The following TCERG1 variants were observed in gnomAD, a reference collection of about 807,000 sequenced individuals.
TCERG1 encodes transcription elongation regulator 1.
A neutral mutation model predicts 144.7 loss-of-function variants in TCERG1; 37 were observed. The observed-to-expected ratio is 0.26, with a 90% confidence interval of 0.20 to 0.34. The LOEUF (loss-of-function observed/expected upper bound fraction) is 0.34, where lower values mean the gene tolerates loss of function less well. TCERG1 is among the 10% of genes least tolerant of loss of function. The pLI is 1.00. For synonymous variants in TCERG1, 492 were observed against 458.2 expected (o/e 1.07, Z -0.94); for missense variants, 1,027 against 1,380.7 (o/e 0.74, Z 4.06).
intron 15 of TCERG1, among the ~76,000 whole-genome samples, chr5:146,492,653 T>C (rs1465801839): frequency 6.6e-6 from 1 of 152,204 alleles, no homozygotes; most frequent in Non-Finnish European, 1.5e-5. Flanking sequence ...ATGTTTATAA[T>C]AATCATGTAT....
chr5:146,508,952 G>A (rs558619690), intron 21 of TCERG1, among the ~76,000 whole-genome samples, 193 bp from the exon 22 acceptor site: 5 of 152,166 alleles, frequency 3.3e-5, no homozygotes, highest in East Asian at 1.9e-4. Flanking sequence ...TCTATTTGCC[G>A]CAAAAATGAG....
At chr5:146,493,214 G>A (rs1766589230) in intron 16 of TCERG1, among the ~76,000 whole-genome samples, 176 bp downstream of exon 16, 1 of 151,968 alleles carries the variant, frequency 6.6e-6, no homozygotes, top group Non-Finnish European at 1.5e-5. Context: ...TCCTTTAGAG[G>A]AATCCTAAGT....
intron 16 of TCERG1, 125 bp from the exon 17 acceptor site, chr5:146,498,411 A>T: frequency 1.0e-6 from 1 of 952,464 alleles, no homozygotes; most frequent in Non-Finnish European, 1.5e-6. Context: ...GTTCACTGTT[A>T]GGTAGATGTT....
intron 19 of TCERG1, among the ~76,000 whole-genome samples, chr5:146,504,763 A>G (rs1179242364): frequency 6.6e-6 from 1 of 152,194 alleles, no homozygotes; most frequent in East Asian, 1.9e-4. Flanking sequence ...GTTCACTAAC[A>G]TGGCTGGGCA....
intron 9 of TCERG1, among the ~76,000 whole-genome samples, chr5:146,472,915 G>A (rs1287508323): frequency 2.0e-5 from 3 of 152,106 alleles, no homozygotes; most frequent in East Asian, 1.9e-4. Context: ...GGGTTTCACC[G>A]TATTAGCCAG....
chr5:146,497,421 G>A lies in TCERG1; in HGVS notation c.2283-1115G>A, dbSNP rs373937547. The stretch of plus-strand genomic sequence containing the variant: ...CTTGCCCTCCTGACGTGCTGGGATT[G>A]CATGCATGAGCCACTGCACCTGGCC... On this transcript the variant is annotated intron_variant, in intron 16 of 22. Transcript: ENST00000679501. Among the ~76,000 whole-genome samples the A allele has an allele frequency of 9.9e-5, 15 of 152,078 alleles. No homozygotes were observed. The East Asian group carries it at 1.4e-3, about 14-fold the overall frequency.
At chr5:146,495,046 C>G (rs1402898104) in intron 16 of TCERG1, among the ~76,000 whole-genome samples, 3 of 152,086 alleles carry the variant, frequency 2.0e-5, no homozygotes, top group Non-Finnish European at 4.4e-5. Flanking sequence ...GATATTTTAC[C>G]TATAAGTAAT....
intron 9 of TCERG1, 122 bp from the exon 10 acceptor site, chr5:146,478,371 G>T: frequency 1.0e-6 from 1 of 976,610 alleles, no homozygotes; most frequent in Non-Finnish European, 1.4e-6. Flanking sequence ...AATAACTATT[G>T]GTAATAAGAA....
intron 5 of TCERG1, among the ~76,000 whole-genome samples, chr5:146,464,809 A>G (rs763491031): frequency 6.6e-6 from 1 of 152,170 alleles, no homozygotes; most frequent in Non-Finnish European, 1.5e-5. Context: ...GTAAGAATAC[A>G]GTTGTGATAC....
At position 146,455,191 on chromosome 5, in the gene TCERG1, G is replaced by T; in HGVS notation, c.195G>T (p.Pro65=). Residue 65 remains proline (P), a synonymous_variant, in exon 2 of 23, where the codon CCG becomes CCT. Coordinates refer to ENST00000679501, the MANE Select transcript of TCERG1 (RefSeq NM_001382548.1). ...GAGGCCCTCCTCCACCACCACGGCCGCCCTTTGGACGTCCTCCTTTTGATC... is the reference window on the plus strand; with the variant it reads ...GAGGCCCTCCTCCACCACCACGGCCTCCCTTTGGACGTCCTCCTTTTGATC... The part of the protein sequence containing the change: ...MMRGPPPPPR[P]PFGRPPFDPN... 6.2e-7 allele frequency: 1 copy of T among 1,614,138 alleles called. No homozygotes were observed. The highest frequency in any genetic ancestry group is 8.5e-7 in the Non-Finnish European group (1 of 1,180,032).
intron 16 of TCERG1, among the ~76,000 whole-genome samples, chr5:146,495,755 G>C (rs1766836019): frequency 6.6e-6 from 1 of 152,176 alleles, no homozygotes; most frequent in Non-Finnish European, 1.5e-5. Flanking sequence ...TTTAACACAA[G>C]AGAATGTTTT....
rs556173901 is a variant in TCERG1, at chr5:146,482,856, T to C, written c.2073+129T>C. 4.9e-4 allele frequency: 629 copies of C among 1,278,348 alleles called. 1 individual carries two copies. The highest frequency in any genetic ancestry group is 6.1e-4 in the Non-Finnish European group (602 of 981,730). The allele number at this position is 1,278,348 out of a possible 1,614,324, so 79.2% of individuals were successfully genotyped here. ...GGGATAAGGGGATTTTTAAAATTACTGTACATTTTTTGCAACAGCCTTTTT... is the reference window on the plus strand; with the variant it reads ...GGGATAAGGGGATTTTTAAAATTACCGTACATTTTTTGCAACAGCCTTTTT... On this transcript the variant is annotated intron_variant, in intron 14 of 22. Coordinates refer to ENST00000679501, the MANE Select transcript of TCERG1 (RefSeq NM_001382548.1).
chr5:146,457,437 G>T lies in TCERG1; in HGVS notation c.438+102G>T, dbSNP rs1762921029. ...CAGTGATACTGTCATTTAAGAATGAGCCCTGGGTGAGCAGGGAATGGGGTA... is the reference window on the plus strand; with the variant it reads ...CAGTGATACTGTCATTTAAGAATGATCCCTGGGTGAGCAGGGAATGGGGTA... On this transcript the variant is annotated intron_variant, in intron 3 of 22. Coordinates refer to ENST00000679501, the MANE Select transcript of TCERG1 (RefSeq NM_001382548.1). The T allele has an allele frequency of 2.6e-6, 3 of 1,164,604 alleles. No individual in the cohort carries two copies. The East Asian group carries it at 7.8e-5, about 30-fold the overall frequency. The allele number at this position is 1,164,604 out of a possible 1,614,324, so 72.1% of individuals were successfully genotyped here.
At chr5:146,454,643 G>A (rs569296986) in intron 1 of TCERG1, among the ~76,000 whole-genome samples, 2 of 152,186 alleles carry the variant, frequency 1.3e-5, no homozygotes, top group South Asian at 4.1e-4. Context: ...TGTTGCCCAG[G>A]CAGGAGTGCA....
At position 146,498,577 on chromosome 5, in the gene TCERG1, C is replaced by A; in HGVS notation, c.2324C>A (p.Ser775Ter). The A allele has an allele frequency of 6.2e-7, 1 of 1,609,112 alleles. No individual in the cohort carries two copies. The highest frequency in any genetic ancestry group is 8.5e-7 in the Non-Finnish European group (1 of 1,177,842). The stretch of plus-strand genomic sequence containing the variant: ...TTTGCAGCCAAGCATGCTAAAGATT[C>A]AAGATTCAAAGCAATTGAAAAGATG... ...SEFAAKHAKDSRFKAIEKMKD... is the reference protein window; with the variant it reads ...SEFAAKHAKD The change falls in exon 17 of 23, where the codon TCA (serine) becomes TAA (stop). Residue 775 changes from serine to a stop codon, truncating the protein, a stop_gained. Transcript: ENST00000679501. LOFTEE classifies it high-confidence loss of function.
At chr5:146,486,678 G>A (rs1327662913) in intron 15 of TCERG1, among the ~76,000 whole-genome samples, 1 of 152,156 alleles carries the variant, frequency 6.6e-6, no homozygotes, top group African/African-American at 2.4e-5. Context: ...AAGAAATAGA[G>A]GGTATCCAGA....
rs1763984137 is a variant in TCERG1, at chr5:146,468,421, CTTAG to C, written c.1198+21_1198+24del. On this transcript the variant is annotated intron_variant, in intron 6 of 22. Transcript: ENST00000679501. ...CAAGACCGGTAATTTTTAAAACCAT[CTTAG>C]TTTGTTTTGTCTGTAAGTTGGCATG... is the stretch of plus-strand genomic sequence containing the variant. 2 of 1,608,290 alleles carry C rather than the reference CTTAG, an allele frequency of 1.2e-6. No individual in the cohort carries two copies. The highest frequency in any genetic ancestry group is 1.1e-5 in the South Asian group (1 of 90,208).
At chr5:146,464,722 T>C (rs1581417426) in intron 5 of TCERG1, among the ~76,000 whole-genome samples, 1 of 152,214 alleles carries the variant, frequency 6.6e-6, no homozygotes, top group African/African-American at 2.4e-5. Flanking sequence ...GTAGCAAAGA[T>C]GAATAGAACT....
intron 19 of TCERG1, among the ~76,000 whole-genome samples, chr5:146,506,321 G>A (rs73309481): frequency 0.023 from 3,443 of 152,174 alleles, 129 homozygotes; most frequent in African/African-American, 0.078. Flanking sequence ...TCTTTTTGCT[G>A]GTTGGTGAGC....
Sources: gnomAD v4.1 joint callset for allele counts (sites outside exome capture counted in the v4.1 genomes callset) on GRCh38, gnomAD v4.1.1 for gene constraint, MANE v1.5 for transcripts, NCBI Gene and HGNC (gene_info 2026-07-23, HGNC 2026-07-21) for gene names.